STXBP5L: variants seen among roughly 807,000 people sequenced by gnomAD.
The protein encoded by STXBP5L is syntaxin-binding protein 5-like.
STXBP5L carries 65 observed loss-of-function variants against 144.5 expected under a neutral mutation model. The observed-to-expected ratio is 0.45, with a 90% CI of 0.37 to 0.55. STXBP5L has a LOEUF of 0.55. STXBP5L is among the 20% of genes least tolerant of loss of function. STXBP5L has a pLI of 0.00. For synonymous variants in STXBP5L, 505 were observed against 469.6 expected (o/e 1.08, Z -0.97); for missense variants, 1,298 against 1,405.5 (o/e 0.92, Z 1.22).
intron 3 of STXBP5L, among the ~76,000 whole-genome samples, chr3:121,017,770 TAGA>T (rs1945243291): frequency 1.3e-5 from 2 of 150,158 alleles, no homozygotes; most frequent in East Asian, 3.9e-4. Context: ...AAAGAAATCA[TAGA>T]AGATCTAAAT....
intron 3 of STXBP5L, among the ~76,000 whole-genome samples, chr3:121,003,583 T>G (rs1943977702): frequency 6.6e-6 from 1 of 152,224 alleles, no homozygotes; most frequent in Non-Finnish European, 1.5e-5. Context: ...AATTTTGGCT[T>G]TTGTTGCCAT....
At chr3:121,148,809 A>G (rs2045821710) in intron 7 of STXBP5L, among the ~76,000 whole-genome samples, 1 of 152,116 alleles carries the variant, frequency 6.6e-6, no homozygotes, top group Non-Finnish European at 1.5e-5. Context: ...AAAGATATGT[A>G]CAAGGTTGTT....
At chr3:121,278,463 A>G (rs1409177649) in intron 18 of STXBP5L, among the ~76,000 whole-genome samples, 1 of 151,976 alleles carries the variant, frequency 6.6e-6, no homozygotes, top group Non-Finnish European at 1.5e-5. Flanking sequence ...CTAGTTGCCT[A>G]CATTTTTTCA....
intron 10 of STXBP5L, among the ~76,000 whole-genome samples, chr3:121,206,662 A>G (rs2048346821): frequency 6.6e-6 from 1 of 151,996 alleles, no homozygotes; most frequent in Non-Finnish European, 1.5e-5. Context: ...ATACACAAAA[A>G]AATTAGCTGG....
At chr3:120,962,999 T>A (rs1576500703) in intron 3 of STXBP5L, among the ~76,000 whole-genome samples, 1 of 152,224 alleles carries the variant, frequency 6.6e-6, no homozygotes, top group East Asian at 1.9e-4. Context: ...ACATCCCTTG[T>A]TAGTTGGATT....
chr3:121,016,659 G>A (rs541737492), intron 3 of STXBP5L, among the ~76,000 whole-genome samples: 7 of 152,286 alleles, frequency 4.6e-5, no homozygotes, highest in African/African-American at 1.7e-4. Flanking sequence ...TGGACTACCA[G>A]AAGCAGAAGA....
chr3:121,066,648 C>T (rs1256981968), intron 5 of STXBP5L, among the ~76,000 whole-genome samples: 2 of 152,024 alleles, frequency 1.3e-5, no homozygotes, highest in African/African-American at 2.4e-5. Context: ...ATTTTAATCT[C>T]TATGTTCACA....
At chr3:121,182,045 A>T (rs567782073) in intron 9 of STXBP5L, among the ~76,000 whole-genome samples, 5 of 152,318 alleles carry the variant, frequency 3.3e-5, no homozygotes, top group Non-Finnish European at 5.9e-5. Flanking sequence ...TAGACCTAAG[A>T]AATGAGAGAG....
rs184946132 is a variant in STXBP5L, at chr3:120,956,859, T to C, written c.287+1822T>C. 5.3e-5 allele frequency among the ~76,000 whole-genome samples: 8 copies of C among 152,116 alleles called. No individual in the cohort carries two copies. The East Asian group carries it at 1.2e-3, about 22-fold the overall frequency. ...AGTTCAAGTTGGCTATTTTTTTCTT[T>C]TGTTGCCTGTGCTTTGGTGTCATAT... is the stretch of plus-strand genomic sequence containing the variant. On this transcript the variant is annotated intron_variant, in intron 3 of 26. Transcript: ENST00000471454.
intron 20 of STXBP5L, among the ~76,000 whole-genome samples, chr3:121,343,986 G>A (rs148799948): frequency 0.047 from 7,085 of 151,950 alleles, 218 homozygotes; most frequent in African/African-American, 0.071. Flanking sequence ...TCAAGCTACC[G>A]GACTTCTAAC....
At chr3:121,112,211 T>G (rs911498682) in intron 5 of STXBP5L, among the ~76,000 whole-genome samples, 1 of 151,976 alleles carries the variant, frequency 6.6e-6, no homozygotes, top group African/African-American at 2.4e-5. Flanking sequence ...TTGGTAATCT[T>G]AGTCTCTAGC....
chr3:121,066,457 T>G (rs2041552282), intron 5 of STXBP5L, among the ~76,000 whole-genome samples: 1 of 151,818 alleles, frequency 6.6e-6, no homozygotes, highest in South Asian at 2.1e-4. Flanking sequence ...CATGCACCTA[T>G]TGAGATGAGC....
intron 5 of STXBP5L, among the ~76,000 whole-genome samples, chr3:121,049,180 G>T (rs1280120449): frequency 6.6e-6 from 1 of 152,140 alleles, no homozygotes; most frequent in Non-Finnish European, 1.5e-5. Context: ...TTTTCTGTAA[G>T]GTGGCTGCAC....
rs190270664 is a variant in STXBP5L, at chr3:121,075,509, C to T, written c.470+29974C>T. Among the ~76,000 whole-genome samples, 6 of 152,266 alleles carry T rather than the reference C, an allele frequency of 3.9e-5. No individual in the cohort carries two copies. The East Asian group carries it at 1.2e-3, about 29-fold the overall frequency. ...CCACCTGTATAAGCTTGGTAATATG[C>T]CTTCAAAACCTTCTAACTTCTGAAG... On this transcript the variant is annotated intron_variant, in intron 5 of 26. Coordinates refer to ENST00000471454, the MANE Select transcript of STXBP5L (RefSeq NM_001308330.2).
intron 5 of STXBP5L, among the ~76,000 whole-genome samples, chr3:121,096,664 G>A (rs551571893): frequency 3.7e-4 from 56 of 152,166 alleles, no homozygotes; most frequent in African/African-American, 1.3e-3. Context: ...GTATAACCAG[G>A]GGCGGCTGCA....
chr3:120,974,151 C>T (rs1282102672), intron 3 of STXBP5L, among the ~76,000 whole-genome samples: 2 of 152,142 alleles, frequency 1.3e-5, no homozygotes, highest in African/African-American at 4.8e-5. Context: ...AGTTTACAGT[C>T]CCACCAACAG....
At chr3:121,296,723 A>G (rs1462185035) in intron 19 of STXBP5L, among the ~76,000 whole-genome samples, 1 of 152,172 alleles carries the variant, frequency 6.6e-6, no homozygotes, top group Non-Finnish European at 1.5e-5. Flanking sequence ...AAGGAATAGA[A>G]AATAGCCAGT....
intron 20 of STXBP5L, among the ~76,000 whole-genome samples, chr3:121,370,597 G>GT (rs372278209): frequency 2.6e-5 from 4 of 152,290 alleles, no homozygotes; most frequent in African/African-American, 9.6e-5. Context: ...TCATAAATGT[G>GT]TTTTCTATGT....
chr3:121,352,480 T>C (rs1485654228), intron 20 of STXBP5L, among the ~76,000 whole-genome samples: 1 of 152,132 alleles, frequency 6.6e-6, no homozygotes, highest in Non-Finnish European at 1.5e-5. Flanking sequence ...TTTGGCTCTC[T>C]GTTTGTCTGT....
Sources: allele counts gnomAD v4.1 joint callset (sites outside exome capture counted in the v4.1 genomes callset), GRCh38; gene constraint gnomAD v4.1.1; transcripts MANE v1.5; gene names NCBI Gene and HGNC (gene_info 2026-07-23, HGNC 2026-07-21).